The following AKAP19 variants were observed in gnomAD, a reference collection of about 807,000 sequenced individuals.
AKAP19 encodes the protein small A-kinase anchoring protein.
the AKAP19 span, among the ~76,000 whole-genome samples, chr2:190,082,541 C>T: frequency 6.6e-6 from 1 of 152,208 alleles, no homozygotes; most frequent in Non-Finnish European, 1.5e-5. Flanking sequence ...TACATGCCCA[C>T]ATCGAAAACA....
the AKAP19 span, among the ~76,000 whole-genome samples, chr2:190,135,511 G>A: frequency 6.6e-6 from 1 of 152,062 alleles, no homozygotes; most frequent in Non-Finnish European, 1.5e-5. Context: ...TCAAATGATG[G>A]GGTTGGCCAA....
the AKAP19 span, among the ~76,000 whole-genome samples, chr2:190,112,271 G>C: frequency 1.3e-5 from 2 of 152,086 alleles, no homozygotes; most frequent in African/African-American, 4.8e-5. Flanking sequence ...TTTATGTAGG[G>C]AGACTTGTTA....
the AKAP19 span, among the ~76,000 whole-genome samples, chr2:189,908,226 C>A: frequency 4.1e-5 from 6 of 145,380 alleles, no homozygotes; most frequent in Admixed American, 3.5e-4. Flanking sequence ...CAGAGTTTCA[C>A]TCTGTTGCTT....
the AKAP19 span, among the ~76,000 whole-genome samples, chr2:189,943,833 C>T: frequency 6.6e-6 from 1 of 152,228 alleles, no homozygotes; most frequent in African/African-American, 2.4e-5. Context: ...GACTGCCCTG[C>T]AGCGTTATGA....
chr2:190,199,819 T>C, the AKAP19 span: 2 of 1,596,844 alleles, frequency 1.3e-6, no homozygotes, highest in Non-Finnish European at 1.7e-6. Flanking sequence ...GGCCTGGAAG[T>C]AGTCTTTGCC....
At chr2:190,201,171 T>C in the AKAP19 span, 1 of 167,040 alleles carries the variant, frequency 6.0e-6, no homozygotes, top group Non-Finnish European at 1.5e-5. Flanking sequence ...CACAAGCCTA[T>C]AGGGCATTTA....
the AKAP19 span, among the ~76,000 whole-genome samples, chr2:190,061,949 G>A: frequency 6.6e-6 from 1 of 151,890 alleles, no homozygotes; most frequent in Admixed American, 6.6e-5. Flanking sequence ...TATTGTGAAA[G>A]CATAAGCATG....
the AKAP19 span, among the ~76,000 whole-genome samples, chr2:190,111,343 G>A: frequency 6.6e-6 from 1 of 152,074 alleles, no homozygotes; most frequent in Non-Finnish European, 1.5e-5. Flanking sequence ...CCAATACTGG[G>A]ACTCAGTAAT....
At chr2:190,050,133 G>A in the AKAP19 span, among the ~76,000 whole-genome samples, 1 of 152,226 alleles carries the variant, frequency 6.6e-6, no homozygotes, top group Non-Finnish European at 1.5e-5. Flanking sequence ...GGTTGAGAGA[G>A]CTCTGCTGTG....
At chr2:189,893,942 A>G in the AKAP19 span, among the ~76,000 whole-genome samples, 1 of 152,318 alleles carries the variant, frequency 6.6e-6, no homozygotes, top group East Asian at 1.9e-4. Context: ...GACTGTATAT[A>G]TAAATTTCCA....
the AKAP19 span, among the ~76,000 whole-genome samples, chr2:190,074,511 C>T: frequency 1.3e-5 from 2 of 151,682 alleles, no homozygotes; most frequent in African/African-American, 4.8e-5. Flanking sequence ...ATTAGCTGGG[C>T]GTGGTGGCGC....
the AKAP19 span, among the ~76,000 whole-genome samples, chr2:190,160,562 T>G: frequency 6.6e-6 from 1 of 152,310 alleles, no homozygotes; most frequent in East Asian, 1.9e-4. Flanking sequence ...GCTTTTGGAA[T>G]GGGAAACAAA....
At chr2:189,967,866 A>G in the AKAP19 span, among the ~76,000 whole-genome samples, 14 of 151,578 alleles carry the variant, frequency 9.2e-5, no homozygotes, top group African/African-American at 2.9e-4. Flanking sequence ...AAAAAAAAAA[A>G]GGAACATTGT....
chr2:189,971,147 C>T, the AKAP19 span, among the ~76,000 whole-genome samples: 10 of 152,106 alleles, frequency 6.6e-5, no homozygotes, highest in South Asian at 2.1e-4. Context: ...CCCAACCCCA[C>T]GACAGGCCCC....
At chr2:190,132,535 GAAC>G in the AKAP19 span, among the ~76,000 whole-genome samples, 10 of 152,132 alleles carry the variant, frequency 6.6e-5, no homozygotes, top group Non-Finnish European at 1.2e-4. Flanking sequence ...ATGGGAGAAA[GAAC>G]AATCTCTTCA....
chr2:189,903,194 A>G, the AKAP19 span, among the ~76,000 whole-genome samples: 1 of 152,108 alleles, frequency 6.6e-6, no homozygotes, highest in African/African-American at 2.4e-5. Context: ...CTTGAGAGGT[A>G]TGAAAACTTT....
chr2:190,021,306 A>T, the AKAP19 span, among the ~76,000 whole-genome samples: 1 of 152,236 alleles, frequency 6.6e-6, no homozygotes, highest in Non-Finnish European at 1.5e-5. Context: ...TTTGTTGAAC[A>T]TAATCACCTT....
At chr2:189,914,459 T>C in the AKAP19 span, among the ~76,000 whole-genome samples, 2 of 152,110 alleles carry the variant, frequency 1.3e-5, no homozygotes, top group Non-Finnish European at 2.9e-5. Flanking sequence ...AAGGTGATTA[T>C]TGAATATAAC....
At chr2:189,939,257 G>A in the AKAP19 span, among the ~76,000 whole-genome samples, 1 of 152,104 alleles carries the variant, frequency 6.6e-6, no homozygotes, top group African/African-American at 2.4e-5. Context: ...GTTCCCGTGG[G>A]CAAAAACCCC....
Sources: gnomAD v4.1 joint callset for allele counts (sites outside exome capture counted in the v4.1 genomes callset) on GRCh38, gnomAD v4.1.1 for gene constraint, MANE v1.5 for transcripts, NCBI Gene and HGNC (gene_info 2026-07-23, HGNC 2026-07-21) for gene names.